EIF3C: variants seen among roughly 807,000 people sequenced by gnomAD.
EIF3C encodes the protein eukaryotic translation initiation factor 3 subunit C, also known as cell migration-inducing protein 17.
Under a neutral mutation model 11.1 loss-of-function variants are expected in EIF3C, and 2 were observed. The observed-to-expected ratio is 0.18, with a 90% CI of 0.07 to 0.57. EIF3C has a LOEUF of 0.57. Ranked by LOEUF, EIF3C falls within the 20% of genes least tolerant of loss-of-function variation. The pLI is 0.92. For missense variants in EIF3C, 16 were observed against 114.6 expected, an observed-to-expected ratio of 0.14 and a Z score of 3.93; for synonymous variants, 2 against 41.5, an observed-to-expected ratio of 0.05 and a Z score of 3.66.
intron 1 of EIF3C, chr16:28,700,437 G>A: frequency 2.6e-6 from 1 of 380,686 alleles, no homozygotes; most frequent in Middle Eastern, 5.0e-4. Context: ...TGGGGAACTT[G>A]GCCTTGGTGG....
rs1223725328 is a variant in EIF3C at position 28,699,485 on chromosome 16, AGAGG to A, written c.-31+10661_-31+10664del. On this transcript the variant is annotated intron_variant, in intron 1 of 20. Transcript: ENST00000566501. ...GAGACGGAGACGGAGACGGAGACGG[AGAGG>A]GAGAGGGAGAGGGAGAGGGAGAGGG... Among the ~76,000 whole-genome samples the A allele has an allele frequency of 2.0e-4, 8 of 39,642 alleles. 1 individual carries two copies. The East Asian group carries it at 3.5e-3, about 17-fold the overall frequency. The allele number at this position is 39,642 out of a possible 152,430, so 26.0% of individuals were successfully genotyped here. A position where few individuals can be genotyped will look rare whatever the true frequency, so the allele number is the denominator to read the frequency against.
rs1420398799 is a variant in EIF3C at position 28,696,353 on chromosome 16, G to A, written c.-31+7525G>A. Among the ~76,000 whole-genome samples, 5 of 38,006 alleles carry A rather than the reference G, an allele frequency of 1.3e-4. 1 individual carries two copies. Among genetic ancestry groups the A allele is most frequent in the South Asian group, 3.2e-3 (1 of 312 alleles). The allele number at this position is 38,006 out of a possible 152,430, so 24.9% of individuals were successfully genotyped here. ...TGTACTCCAGCCTAGGCAAAAGAGC[G>A]AAACTGTGTCTAAAAAAAAAAAAAA... On this transcript the variant is annotated intron_variant, in intron 1 of 20. Transcript: ENST00000566501.
intron 15 of EIF3C, among the ~76,000 whole-genome samples, chr16:28,729,975 C>T (rs1012183155): frequency 4.7e-5 from 7 of 150,412 alleles, no homozygotes; most frequent in South Asian, 4.2e-4. Flanking sequence ...AAGAAATACC[C>T]GGTTACTTCT....
chr16:28,699,770 C>A (rs1407732687), intron 1 of EIF3C, among the ~76,000 whole-genome samples: 1 of 90,656 alleles, frequency 1.1e-5, no homozygotes, highest in Non-Finnish European at 2.2e-5. Flanking sequence ...TCTTCAACTT[C>A]TGACCTCAAG....
rs1252410244 is a variant in EIF3C at position 28,697,017 on chromosome 16, C to T, written c.-31+8189C>T. Reference sequence around the variant, plus strand: ...CTCACTCCTGTTGCCCAGTCTAGAGCGCAATGGGGTGATCTCAGCCCACTG... The same window carrying T: ...CTCACTCCTGTTGCCCAGTCTAGAGTGCAATGGGGTGATCTCAGCCCACTG... On this transcript the variant is annotated intron_variant, in intron 1 of 20. Coordinates refer to the EIF3C transcript ENST00000566501. Among the ~76,000 whole-genome samples the T allele has an allele frequency of 1.5e-4, 5 of 32,406 alleles. 2 individuals carry two copies. Among genetic ancestry groups the T allele is most frequent in the East Asian group, 6.2e-4 (1 of 1,622 alleles). The allele number at this position is 32,406 out of a possible 152,430, so 21.3% of individuals were successfully genotyped here. A position where few individuals can be genotyped will look rare whatever the true frequency, so the allele number is the denominator to read the frequency against.
Position 28,689,268 on chromosome 16 carries a change from G to T in EIF3C, c.-31+440G>T, listed in dbSNP as rs1307462923. On this transcript the variant is annotated intron_variant, in intron 1 of 20. Transcript: ENST00000566501. ...ACTTAGTCACAATCCCCTGTAAATAGTTCATTTTTCTGTTAAAACTTCCCT... is the reference window on the plus strand; with the variant it reads ...ACTTAGTCACAATCCCCTGTAAATATTTCATTTTTCTGTTAAAACTTCCCT... 3.9e-5 allele frequency among the ~76,000 whole-genome samples: 2 copies of T among 50,818 alleles called. 1 individual carries two copies. The allele number at this position is 50,818 out of a possible 152,430, so 33.3% of individuals were successfully genotyped here. A position where few individuals can be genotyped will look rare whatever the true frequency, so the allele number is the denominator to read the frequency against.
rs1415965947 is a variant in EIF3C at position 28,698,329 on chromosome 16, GC to G, written c.-31+9503del. On this transcript the variant is annotated intron_variant, in intron 1 of 20. Coordinates refer to the EIF3C transcript ENST00000566501. Reference sequence around the variant, plus strand: ...GGCTCCTCACTTCCCAGTAGGGGCGGCCGGGCAGAGGCGCCCCTCACCTCCC... The same window carrying G: ...GGCTCCTCACTTCCCAGTAGGGGCGGCGGGCAGAGGCGCCCCTCACCTCCC... Among the ~76,000 whole-genome samples, 47 of 100,764 alleles carry G rather than the reference GC, an allele frequency of 4.7e-4. 6 individuals carry two copies. Among genetic ancestry groups the G allele is most frequent in the Non-Finnish European group, 6.7e-4 (33 of 49,492 alleles). The allele number at this position is 100,764 out of a possible 152,430, so 66.1% of individuals were successfully genotyped here. A position where few individuals can be genotyped will look rare whatever the true frequency, so the allele number is the denominator to read the frequency against.
rs909105578 is a variant in EIF3C at position 28,693,218 on chromosome 16, T to A, written c.-31+4390T>A. 6.0e-5 allele frequency among the ~76,000 whole-genome samples: 2 copies of A among 33,508 alleles called. 1 individual carries two copies. The highest frequency in any genetic ancestry group is 1.1e-4 in the Non-Finnish European group (2 of 18,196). 22.0% of individuals were successfully genotyped at this position (33,508 alleles called of 152,430 possible). ...TTTTTTTTTTGAGACACGGTCTTGC[T>A]CTGGTGCCCAGGCCAGAGTGCAGTG... On this transcript the variant is annotated intron_variant, in intron 1 of 20. Transcript: ENST00000566501.
chr16:28,712,953 G>A (rs370614873), intron 2 of EIF3C, among the ~76,000 whole-genome samples: 2 of 149,234 alleles, frequency 1.3e-5, no homozygotes, highest in East Asian at 4.0e-4. Flanking sequence ...AGCCGAGATT[G>A]CGCCATTGCA....
chr16:28,700,503 CAGGGG>C (rs2048275296), intron 1 of EIF3C: 1 of 335,172 alleles, frequency 3.0e-6, no homozygotes, highest in Non-Finnish European at 5.5e-6. Flanking sequence ...TGGAGTTCCT[CAGGGG>C]GGAACTCGTC....
At chr16:28,697,971 G>T (rs1423394131) in intron 1 of EIF3C, among the ~76,000 whole-genome samples, 9 of 83,394 alleles carry the variant, frequency 1.1e-4, no homozygotes, top group African/African-American at 5.1e-4. Flanking sequence ...TCACCTCCCG[G>T]GCGGGGCGGC....
At position 28,730,545 on chromosome 16, in the gene EIF3C, CT is replaced by C. The variant is rs200752282; in HGVS notation, c.1819-1283del. Among the ~76,000 whole-genome samples the C allele has an allele frequency of 8.8e-5, 13 of 148,512 alleles. No individual in the cohort carries two copies. In the East Asian group the frequency reaches 2.4e-3, roughly 27 times the overall value. On this transcript the variant is annotated intron_variant, in intron 15 of 20. Transcript: ENST00000331666. ...AGATTTGTACCACTTACCGTCTCCC[CT>C]GTCTTAATTAGTGCCAAGTCCCTCT...
chr16:28,694,694 G>GT (rs1193680636), intron 1 of EIF3C, among the ~76,000 whole-genome samples: 2 of 70,046 alleles, frequency 2.9e-5, no homozygotes, highest in African/African-American at 5.5e-5. Context: ...CCAAAAAAAG[G>GT]TTTTTTTGGT....
intron 1 of EIF3C, among the ~76,000 whole-genome samples, chr16:28,698,174 G>A (rs2048252913): frequency 8.9e-6 from 1 of 111,866 alleles, no homozygotes; most frequent in Non-Finnish European, 1.9e-5. Flanking sequence ...GCCGGGCAGA[G>A]GGGCTCCTCA....
At chr16:28,698,782 C>T (rs1205380728) in intron 1 of EIF3C, among the ~76,000 whole-genome samples, 1 of 22,560 alleles carries the variant, frequency 4.4e-5, no homozygotes, top group Non-Finnish European at 7.1e-5. Context: ...AGACGCTCCT[C>T]ACCTCCCAGA....
intron 15 of EIF3C, among the ~76,000 whole-genome samples, chr16:28,728,520 G>GT (rs2048406352): frequency 1.2e-5 from 1 of 80,808 alleles, no homozygotes. Context: ...TATCTTTTAG[G>GT]GGTGTGTGTG....
In EIF3C at chr16:28,700,567, T is replaced by G. The variant is rs1450284970; in HGVS notation, c.-30-11090T>G. 6.9e-6 allele frequency: 2 copies of G among 288,500 alleles called. 1 individual carries two copies. The highest frequency in any genetic ancestry group is 1.3e-5 in the Non-Finnish European group (2 of 156,796). The allele number at this position is 288,500 out of a possible 1,614,324, so 17.9% of individuals were successfully genotyped here. ...AGGGCCAAGCTGCTTCTTGAGCTCC[T>G]CCTCCTAGTACTCCTGCTCCACCTG... On this transcript the variant is annotated intron_variant, in intron 1 of 20. Transcript: ENST00000566501.
At chr16:28,694,392 A>G (rs1316528233) in intron 1 of EIF3C, among the ~76,000 whole-genome samples, 1 of 151,216 alleles carries the variant, frequency 6.6e-6, no homozygotes, top group Non-Finnish European at 1.5e-5. Flanking sequence ...AAATCAACCT[A>G]TGGTGACAGA....
intron 1 of EIF3C, among the ~76,000 whole-genome samples, chr16:28,699,567 G>A (rs181219949): frequency 0.029 from 2,920 of 101,910 alleles, 66 homozygotes; most frequent in African/African-American, 0.13. Flanking sequence ...TTTTGGAGAC[G>A]GAGTCTCGCT....
Sources: allele counts gnomAD v4.1 joint callset (sites outside exome capture counted in the v4.1 genomes callset), GRCh38; gene constraint gnomAD v4.1.1; transcripts MANE v1.5; gene names NCBI Gene and HGNC (gene_info 2026-07-23, HGNC 2026-07-21).